Variants in ETS2 observed in about 807,000 individuals in gnomAD.
ETS2 encodes the protein ETS proto-oncogene 2, transcription factor.
ETS2 carries 19 observed loss-of-function variants against 54.9 expected under a neutral mutation model. That is an observed-to-expected ratio of 0.35 (90% CI 0.24 to 0.51). The LOEUF is 0.51. ETS2 is among the 20% of genes least tolerant of loss of function. The probability of loss-of-function intolerance (pLI) is 0.97; values close to 1 mark genes in which losing one functional copy is unlikely to be tolerated. For missense variants in ETS2, 417 were observed against 593.0 expected, an observed-to-expected ratio of 0.70 and a Z score of 3.08; for synonymous variants, 219 against 229.3, an observed-to-expected ratio of 0.95 and a Z score of 0.41.
In ETS2 at chr21:38,806,354, G is replaced by T. The variant is rs1466009195; in HGVS notation, c.-1+234G>T. 1.0e-6 allele frequency: 1 copy of T among 979,608 alleles called. No individual in the cohort carries two copies. The highest frequency in any genetic ancestry group is 1.2e-6 in the Non-Finnish European group (1 of 824,690). The allele number at this position is 979,608 out of a possible 1,614,324, so 60.7% of individuals were successfully genotyped here. A position where few individuals can be genotyped will look rare whatever the true frequency, so the allele number is the denominator to read the frequency against. On this transcript the variant is annotated intron_variant, in intron 1 of 9. Coordinates refer to ENST00000360938, the MANE Select transcript of ETS2 (RefSeq NM_005239.6). This position sits in a 1 kb window ranked among gnomAD's most constrained non-coding sequence, Gnocchi z 4.3. ...TCCGGGGCTGGCGGGGTCGGCCGGG[G>T]GGTTCCTGCGTGCTAGGGCCGCTGT...
intron 2 of ETS2, among the ~76,000 whole-genome samples, chr21:38,812,130 C>A (rs2060916039): frequency 6.6e-6 from 1 of 152,222 alleles, no homozygotes; most frequent in South Asian, 2.1e-4. Flanking sequence ...TGTGGAAAAG[C>A]ATCTCTAGTT....
At chr21:38,805,392 C>T, upstream of ETS2, 2 of 1,288,832 alleles carry the variant, frequency 1.6e-6, no homozygotes, top group Non-Finnish European at 2.0e-6. The surrounding 1 kb of genome is among the most constrained non-coding windows in gnomAD (Gnocchi z 5.2). Flanking sequence ...AGCCCGGCTG[C>T]CCTTCGGTGC....
chr21:38,810,025 C>A lies in ETS2; in HGVS notation c.1-10C>A, dbSNP rs202089652. On this transcript the variant is annotated splice_polypyrimidine_tract_variant and intron_variant, in intron 1 of 9. Transcript: ENST00000360938. ...TTTGCCTCTTTGACTTTTTTTTTTTCTTTTTTAAGATGAATGATTTCGGAA... is the reference window on the plus strand; with the variant it reads ...TTTGCCTCTTTGACTTTTTTTTTTTATTTTTTAAGATGAATGATTTCGGAA... 3 of 1,492,558 alleles carry A rather than the reference C, an allele frequency of 2.0e-6. No homozygotes were observed. The highest frequency in any genetic ancestry group is 1.3e-5 in the South Asian group (1 of 74,784). 92.5% of individuals were successfully genotyped at this position (1,492,558 alleles called of 1,614,324 possible).
Position 38,806,249 on chromosome 21 carries a change from G to A in ETS2, c.-1+129G>A, listed in dbSNP as rs1342067490. ...TCGGGGCGCTGCCGGGGGTGCAGGT[G>A]GGGGTGGCGGCTGCTGCGAGGACTC... On this transcript the variant is annotated intron_variant, in intron 1 of 9. Transcript: ENST00000360938. This position sits in a 1 kb window ranked among gnomAD's most constrained non-coding sequence, Gnocchi z 4.3. The A allele has an allele frequency of 1.0e-6, 1 of 974,076 alleles. No homozygotes were observed. The highest frequency in any genetic ancestry group is 1.2e-6 in the Non-Finnish European group (1 of 818,304). The allele number at this position is 974,076 out of a possible 1,614,324, so 60.3% of individuals were successfully genotyped here. A position where few individuals can be genotyped will look rare whatever the true frequency, so the allele number is the denominator to read the frequency against.
At chr21:38,818,711 G>C in intron 7 of ETS2, 65 bp downstream of exon 7, 1 of 1,559,930 alleles carries the variant, frequency 6.4e-7, no homozygotes, top group Non-Finnish European at 8.8e-7. Flanking sequence ...GAGCCATAAT[G>C]AACCTCTTAA....
chr21:38,822,949 T>C lies in ETS2; in HGVS notation c.*60T>C, dbSNP rs1301474762. The C allele has an allele frequency of 6.0e-6, 8 of 1,328,792 alleles. No homozygotes were observed. Among genetic ancestry groups the C allele is most frequent in the Non-Finnish European group, 7.1e-6 (7 of 989,876 alleles). The allele number at this position is 1,328,792 out of a possible 1,614,324, so 82.3% of individuals were successfully genotyped here. A position where few individuals can be genotyped will look rare whatever the true frequency, so the allele number is the denominator to read the frequency against. ...CGTGGACTGAGTGGGAAGCCCATCC[T>C]GACCAGCTGCTCCGAGGACCCAGGA... is the stretch of plus-strand genomic sequence containing the variant. On this transcript the variant is annotated 3_prime_UTR_variant, in exon 10 of 10. Transcript: ENST00000360938.
At position 38,816,074 on chromosome 21, in the gene ETS2, GGGAGGGAGGGGA is replaced by G. The variant is rs1417476640; in HGVS notation, c.506-931_506-920del. On this transcript the variant is annotated intron_variant, in intron 5 of 9. Coordinates refer to ENST00000360938, the MANE Select transcript of ETS2 (RefSeq NM_005239.6). ...GGGAGGGAGGGGAGGGAGGGAGGGA[GGGAGGGAGGGGA>G]GGGAGGGAGGGAGGGAGGGAGGGAA... is the stretch of plus-strand genomic sequence containing the variant. 4.8e-3 allele frequency among the ~76,000 whole-genome samples: 12 copies of G among 2,514 alleles called. 2 individuals are homozygous for G. Among genetic ancestry groups the G allele is most frequent in the African/African-American group, 0.016 (9 of 576 alleles). The allele number at this position is 2,514 out of a possible 152,430, so 1.6% of individuals were successfully genotyped here.
intron 9 of ETS2, among the ~76,000 whole-genome samples, chr21:38,822,032 G>A (rs949102031): frequency 3.9e-5 from 6 of 152,136 alleles, no homozygotes; most frequent in African/African-American, 1.4e-4. Context: ...CTTGTCCATC[G>A]GGGGAACAAG....
Position 38,806,633 on chromosome 21 carries a change from G to A in ETS2, c.-1+513G>A, listed in dbSNP as rs1035991416. 62 of 985,180 alleles carry A rather than the reference G, an allele frequency of 6.3e-5. No homozygotes were observed. In the Admixed American group the frequency reaches 2.1e-3, roughly 33 times the overall value. 61.0% of individuals were successfully genotyped at this position (985,180 alleles called of 1,614,324 possible). A position where few individuals can be genotyped will look rare whatever the true frequency, so the allele number is the denominator to read the frequency against. On this transcript the variant is annotated intron_variant, in intron 1 of 9. Transcript: ENST00000360938. This position sits in a 1 kb window ranked among gnomAD's most constrained non-coding sequence, Gnocchi z 4.3. Reference sequence around the variant, plus strand: ...GGCGCCCAAGACACCTGAAGGCTGCGGCACCGCGGGAACCTGCGGGGCGCG... The same window carrying A: ...GGCGCCCAAGACACCTGAAGGCTGCAGCACCGCGGGAACCTGCGGGGCGCG...
chr21:38,807,277 CTTTT>C (rs950627079), intron 1 of ETS2, among the ~76,000 whole-genome samples: 3 of 151,914 alleles, frequency 2.0e-5, no homozygotes, highest in Non-Finnish European at 4.4e-5. Flanking sequence ...TGTGTTGTTT[CTTTT>C]TTTTGTTTGT....
intron 8 of ETS2, among the ~76,000 whole-genome samples, chr21:38,820,418 A>G (rs2060953345): frequency 6.6e-6 from 1 of 152,228 alleles, no homozygotes; most frequent in African/African-American, 2.4e-5. Flanking sequence ...ATACTGAGGC[A>G]TTCATTCTTT....
Position 38,822,940 on chromosome 21 carries a change from A to G in ETS2, c.*51A>G. On this transcript the variant is annotated 3_prime_UTR_variant, in exon 10 of 10. Coordinates refer to ENST00000360938, the MANE Select transcript of ETS2 (RefSeq NM_005239.6). ...CCCCAGGCTCGTGGACTGAGTGGGA[A>G]GCCCATCCTGACCAGCTGCTCCGAG... is the stretch of plus-strand genomic sequence containing the variant. The G allele has an allele frequency of 7.1e-7, 1 of 1,398,960 alleles. No homozygotes were observed. The highest frequency in any genetic ancestry group is 1.4e-5 in the African/African-American group (1 of 69,166). The allele number at this position is 1,398,960 out of a possible 1,614,324, so 86.7% of individuals were successfully genotyped here.
chr21:38,808,991 A>C (rs2060904195), intron 1 of ETS2, among the ~76,000 whole-genome samples: 2 of 152,242 alleles, frequency 1.3e-5, no homozygotes, highest in Admixed American at 6.5e-5. Context: ...TCTTACTGAT[A>C]TGTAACTTAC....
intron 7 of ETS2, among the ~76,000 whole-genome samples, chr21:38,819,049 C>A (rs146998961): frequency 5.3e-5 from 8 of 152,170 alleles, no homozygotes; most frequent in African/African-American, 1.9e-4. Context: ...TTTCCAGTAG[C>A]CTGGAAGATT....
chr21:38,805,276 G>A (rs1004948937), upstream of ETS2: 2 of 1,153,628 alleles, frequency 1.7e-6, no homozygotes, highest in Non-Finnish European at 2.2e-6. This position sits in a 1 kb window ranked among gnomAD's most constrained non-coding sequence, Gnocchi z 5.2. Flanking sequence ...GGTTTCTACA[G>A]GAAGCGCCTC....
upstream of ETS2, chr21:38,805,795 C>T (rs2060889542): frequency 1.2e-6 from 1 of 816,518 alleles, no homozygotes; most frequent in South Asian, 1.8e-5. This position sits in a 1 kb window ranked among gnomAD's most constrained non-coding sequence, Gnocchi z 5.2. Flanking sequence ...TCTTCTCTCT[C>T]CTCCCCTTCC....
chr21:38,806,043 C>G lies in ETS2; in HGVS notation c.-78C>G, dbSNP rs1569019592. The G allele has an allele frequency of 8.2e-7, 1 of 1,216,252 alleles. No homozygotes were observed. Among genetic ancestry groups the G allele is most frequent in the Non-Finnish European group, 1.0e-6 (1 of 957,286 alleles). 75.3% of individuals were successfully genotyped at this position (1,216,252 alleles called of 1,614,324 possible). On this transcript the variant is annotated 5_prime_UTR_variant, in exon 1 of 10. Transcript: ENST00000360938. This position sits in a 1 kb window ranked among gnomAD's most constrained non-coding sequence, Gnocchi z 4.3. ...TCTCTGGCCGGCGCCCTCGCCCTCG[C>G]CCGGCGCGCACCGAGCAGCCGCGGG...
At chr21:38,810,007 C>T (rs2060907676) in intron 1 of ETS2, 28 bp from the exon 2 acceptor site, 3 of 1,503,798 alleles carry the variant, frequency 2.0e-6, no homozygotes, top group South Asian at 2.5e-5. Context: ...TCTTTTGCCT[C>T]TTTGACTTTT....
upstream of ETS2, chr21:38,805,458 G>A (rs1442724950): frequency 3.1e-6 from 4 of 1,288,258 alleles, no homozygotes; most frequent in Non-Finnish European, 3.0e-6. The surrounding 1 kb of genome is among the most constrained non-coding windows in gnomAD (Gnocchi z 5.2). Context: ...TGGCGTTAGG[G>A]CCTTGGCCCC....
Sources: gnomAD v4.1 joint callset for allele counts (sites outside exome capture counted in the v4.1 genomes callset) on GRCh38, gnomAD v4.1.1 for gene constraint, Gnocchi (gnomAD v3.1) non-coding constraint, MANE v1.5 for transcripts, NCBI Gene and HGNC (gene_info 2026-07-23, HGNC 2026-07-21) for gene names.